Variants in NOL10 observed in about 807,000 individuals in gnomAD.
NOL10 encodes H_NH0074G24.1.
Under a neutral mutation model 103.5 loss-of-function variants are expected in NOL10, and 58 were observed. That is an observed-to-expected ratio of 0.56 (90% CI 0.45 to 0.70). NOL10 has a LOEUF of 0.70. Among genes scored for constraint, NOL10 ranks in the 30% least tolerant of loss-of-function variants. The pLI, the probability that NOL10 is intolerant of heterozygous loss-of-function variation, is 0.00. For synonymous variants in NOL10, 287 were observed against 282.5 expected, an observed-to-expected ratio of 1.02 and a Z score of -0.16; for missense variants, 763 against 807.3, an observed-to-expected ratio of 0.95 and a Z score of 0.67.
At chr2:10,688,434 G>A (rs1209018822) in intron 1 of NOL10, among the ~76,000 whole-genome samples, 8 of 152,140 alleles carry the variant, frequency 5.3e-5, no homozygotes, top group Non-Finnish European at 1.5e-5. Flanking sequence ...TACATGTCCA[G>A]TGCATTCCCA....
At chr2:10,577,119 T>C (rs1304952612) in intron 20 of NOL10, among the ~76,000 whole-genome samples, 2 of 152,216 alleles carry the variant, frequency 1.3e-5, no homozygotes, top group Non-Finnish European at 2.9e-5. Context: ...CAATTTAGAA[T>C]AGAATGACCA....
Position 10,632,590 on chromosome 2 carries a change from A to C in NOL10, c.1026+11730T>G, listed in dbSNP as rs372875969. Among the ~76,000 whole-genome samples the C allele has an allele frequency of 5.3e-5, 8 of 152,316 alleles. No homozygotes were observed. The South Asian group carries it at 8.3e-4, about 16-fold the overall frequency. On this transcript the variant is annotated intron_variant, in intron 13 of 20. Coordinates refer to ENST00000381685, the MANE Select transcript of NOL10 (RefSeq NM_024894.4). ...ATAATTGTCTATAGACATGCAAATG[A>C]ATTATGTCTGGTGGACAGTTTATAC...
At chr2:10,621,569 G>A (rs1327898597) in intron 13 of NOL10, among the ~76,000 whole-genome samples, 2 of 152,104 alleles carry the variant, frequency 1.3e-5, no homozygotes, top group African/African-American at 4.8e-5. Flanking sequence ...ACTCCAGCCT[G>A]GGCAACAGAA....
chr2:10,596,825 A>C (rs1026601638), intron 17 of NOL10, among the ~76,000 whole-genome samples: 10 of 152,226 alleles, frequency 6.6e-5, no homozygotes, highest in Non-Finnish European at 1.0e-4. Context: ...ACTAACATAC[A>C]AAAAATGATA....
intron 13 of NOL10, among the ~76,000 whole-genome samples, chr2:10,626,023 T>G (rs546732581): frequency 6.6e-6 from 1 of 151,398 alleles, no homozygotes; most frequent in South Asian, 2.1e-4. Context: ...AAAAAAAAAT[T>G]TTTTTTTAAT....
At chr2:10,616,067 A>G (rs1450137724) in intron 13 of NOL10, among the ~76,000 whole-genome samples, 1 of 152,128 alleles carries the variant, frequency 6.6e-6, no homozygotes, top group African/African-American at 2.4e-5. Flanking sequence ...CTACCAGCCC[A>G]AACCCCTAAC....
chr2:10,680,378 G>A lies in NOL10; in HGVS notation c.211+1593C>T, dbSNP rs542211407. 4.3e-4 allele frequency among the ~76,000 whole-genome samples: 65 copies of A among 150,142 alleles called. 3 individuals are homozygous for A. In the East Asian group the frequency reaches 0.012, roughly 27 times the overall value. ...AGAGGGAGAGGGAGAAGAGGGAGAG[G>A]GAGAAGAGGGAGAGGGAGAGGGAGG... On this transcript the variant is annotated intron_variant, in intron 3 of 20. Transcript: ENST00000381685.
At chr2:10,636,356 G>A (rs1678215455) in intron 13 of NOL10, among the ~76,000 whole-genome samples, 1 of 139,666 alleles carries the variant, frequency 7.2e-6, no homozygotes, top group Non-Finnish European at 1.5e-5. Flanking sequence ...CAGGAAGACT[G>A]CTTGAGCCCA....
chr2:10,644,452 G>T, intron 12 of NOL10, 80 bp from the exon 13 acceptor site: 1 of 1,011,278 alleles, frequency 9.9e-7, no homozygotes, highest in Non-Finnish European at 1.4e-6. Context: ...ATTCTGAAAT[G>T]CCTGAGGAAC....
chr2:10,664,890 A>C (rs944280355), intron 8 of NOL10, among the ~76,000 whole-genome samples: 4 of 151,850 alleles, frequency 2.6e-5, no homozygotes, highest in Non-Finnish European at 4.4e-5. Context: ...GAGAGGATAC[A>C]CAGCAAATTA....
At chr2:10,685,130 T>C (rs1446984155) in intron 1 of NOL10, among the ~76,000 whole-genome samples, 1 of 152,202 alleles carries the variant, frequency 6.6e-6, no homozygotes, top group Non-Finnish European at 1.5e-5. Context: ...TTAATCTATT[T>C]AAGTGAGAAT....
chr2:10,589,421 C>A, intron 18 of NOL10, 131 bp from the exon 19 acceptor site: 1 of 1,323,334 alleles, frequency 7.6e-7, no homozygotes, highest in Non-Finnish European at 1.0e-6. Context: ...AGGAGAAATG[C>A]CTTTAAATAA....
rs77723934 is a variant in NOL10, at chr2:10,595,144, C to CAGAGAGAGAGAGAGAGAGAGAGAGAGAG, written c.1423-5421_1423-5394dup. Among the ~76,000 whole-genome samples, 131 of 124,204 alleles carry CAGAGAGAGAGAGAGAGAGAGAGAGAGAG rather than the reference C, an allele frequency of 1.1e-3. 2 individuals are homozygous for CAGAGAGAGAGAGAGAGAGAGAGAGAGAG. Among genetic ancestry groups the CAGAGAGAGAGAGAGAGAGAGAGAGAGAG allele is most frequent in the African/African-American group, 3.6e-3 (115 of 32,120 alleles). The allele number at this position is 124,204 out of a possible 152,430, so 81.5% of individuals were successfully genotyped here. On this transcript the variant is annotated intron_variant, in intron 17 of 20. Transcript: ENST00000381685. ...GCAAGAGGGAGGGAGGGGGAGGGGGCAGAGAGAGAGAGAGAGAGAGAGAGA... is the reference window on the plus strand; with the variant it reads ...GCAAGAGGGAGGGAGGGGGAGGGGGCAGAGAGAGAGAGAGAGAGAGAGAGAGAGAGAGAGAGAGAGAGAGAGAGAGAGA...
intron 3 of NOL10, among the ~76,000 whole-genome samples, chr2:10,680,787 T>C (rs1387909362): frequency 1.3e-5 from 2 of 152,258 alleles, no homozygotes; most frequent in East Asian, 1.9e-4. Context: ...CAGCAAAAAA[T>C]GTTTGGACAA....
At chr2:10,669,210 G>A (rs1294164662) in intron 6 of NOL10, among the ~76,000 whole-genome samples, 1 of 151,342 alleles carries the variant, frequency 6.6e-6, no homozygotes, top group Non-Finnish European at 1.5e-5. Context: ...TGTATTTTTA[G>A]TAGAGACAGG....
At chr2:10,572,342 T>G (rs11684825) in intron 20 of NOL10, among the ~76,000 whole-genome samples, 152 bp from the exon 21 acceptor site, 241 of 152,302 alleles carry the variant, frequency 1.6e-3, no homozygotes, top group African/African-American at 5.6e-3. Context: ...ATGGTGGGGC[T>G]GCCTGGACTC....
chr2:10,589,205 A>C lies in NOL10; in HGVS notation c.1682T>G (p.Val561Gly), dbSNP rs1361283444. The change falls in exon 19 of 21, where the codon GTC becomes GGC. Residue 561 changes from valine (V) to glycine (G), a missense_variant. Val to Gly is a moderately radical substitution (Grantham distance 109). Transcript: ENST00000381685. Reference protein sequence around the residue: ...SDDEKAWVEEVRKQRRLLQQE... With the variant: ...SDDEKAWVEEGRKQRRLLQQE... Reference sequence around the variant, plus strand: ...CTGGAGGAGTCTGCGTTGCTTCCTGACCTCTTCAACCCAGGCTTTTTCATC... The same window carrying C: ...CTGGAGGAGTCTGCGTTGCTTCCTGCCCTCTTCAACCCAGGCTTTTTCATC... 1 of 1,613,544 alleles carries C rather than the reference A, an allele frequency of 6.2e-7. No individual in the cohort carries two copies. The highest frequency in any genetic ancestry group is 8.5e-7 in the Non-Finnish European group (1 of 1,179,796).
chr2:10,676,035 A>ACACCC (rs1440947049), intron 3 of NOL10, among the ~76,000 whole-genome samples, 164 bp from the exon 4 acceptor site: 2 of 152,248 alleles, frequency 1.3e-5, no homozygotes, highest in Admixed American at 6.5e-5. Flanking sequence ...CCAAGGAAAA[A>ACACCC]CTGAGCAAAA....
chr2:10,608,999 T>C (rs912656564), intron 13 of NOL10, among the ~76,000 whole-genome samples: 3 of 152,122 alleles, frequency 2.0e-5, no homozygotes, highest in Non-Finnish European at 2.9e-5. Flanking sequence ...AAAAATTCCA[T>C]ATAGAACACT....
Sources: gnomAD v4.1 joint callset for allele counts (sites outside exome capture counted in the v4.1 genomes callset) on GRCh38, gnomAD v4.1.1 for gene constraint, MANE v1.5 for transcripts, NCBI Gene and HGNC (gene_info 2026-07-23, HGNC 2026-07-21) for gene names.